Variants in CPVL observed in about 807,000 individuals in gnomAD.
The protein encoded by CPVL is probable serine carboxypeptidase CPVL.
A neutral mutation model predicts 63.7 loss-of-function variants in CPVL; 51 were observed. The ratio of observed to expected loss-of-function variants is 0.80; its 90% CI spans 0.64 to 1.01. The LOEUF (loss-of-function observed/expected upper bound fraction) is 1.01, where lower values mean the gene tolerates loss of function less well. Among genes scored for constraint, CPVL ranks in the 50% least tolerant of loss-of-function variants. The probability of loss-of-function intolerance (pLI) is 0.00; values close to 1 mark genes in which losing one functional copy is unlikely to be tolerated. For missense variants in CPVL, 530 were observed against 573.1 expected, an observed-to-expected ratio of 0.92 and a Z score of 0.77; for synonymous variants, 195 against 206.0, an observed-to-expected ratio of 0.95 and a Z score of 0.46.
At chr7:29,137,551 G>A (rs569818451) in intron 1 of CPVL, among the ~76,000 whole-genome samples, 1 of 152,296 alleles carries the variant, frequency 6.6e-6, no homozygotes, top group South Asian at 2.1e-4. Flanking sequence ...CCTAGCCCAG[G>A]TAGCCTTTTC....
chr7:28,995,489 G>T lies in CPVL; in HGVS notation c.*283C>A. 6.8e-6 allele frequency: 2 copies of T among 292,440 alleles called. No homozygotes were observed. The highest frequency in any genetic ancestry group is 1.2e-5 in the Non-Finnish European group (2 of 160,834). 18.1% of individuals were successfully genotyped at this position (292,440 alleles called of 1,614,324 possible). ...GAAGAAATTAAAACTTCCTATTCAA[G>T]ACCCTAAAATTTCATTTATACATCT... On this transcript the variant is annotated 3_prime_UTR_variant, in exon 13 of 13. Transcript: ENST00000265394.
chr7:29,116,492 G>A (rs938740082), intron 2 of CPVL, among the ~76,000 whole-genome samples: 1 of 152,164 alleles, frequency 6.6e-6, no homozygotes, highest in Non-Finnish European at 1.5e-5. Flanking sequence ...GGTTTTCTTT[G>A]AAGTGATTTT....
intron 4 of CPVL, among the ~76,000 whole-genome samples, chr7:29,181,863 G>C (rs775740070): frequency 7.2e-5 from 11 of 151,972 alleles, no homozygotes; most frequent in African/African-American, 2.7e-4. Context: ...ATTCCTAAGG[G>C]GGGGAAAAGT....
At chr7:29,083,105 A>T (rs1318756754) in intron 7 of CPVL, among the ~76,000 whole-genome samples, 1 of 152,260 alleles carries the variant, frequency 6.6e-6, no homozygotes, top group Non-Finnish European at 1.5e-5. Flanking sequence ...CCTAAAGTGT[A>T]GTATGCTAAT....
intron 1 of CPVL, among the ~76,000 whole-genome samples, chr7:29,191,332 G>A (rs138904283): frequency 2.6e-4 from 40 of 152,324 alleles, no homozygotes; most frequent in Non-Finnish European, 4.6e-4. Flanking sequence ...AGATGGACTA[G>A]AGAAATCCAA....
intron 12 of CPVL, chr7:29,001,389 G>C (rs546944466): frequency 6.6e-6 from 1 of 152,170 alleles, no homozygotes; most frequent in East Asian, 1.9e-4. Flanking sequence ...TTACATGTAA[G>C]TTCTTTTCAC....
intron 12 of CPVL, among the ~76,000 whole-genome samples, chr7:29,002,287 G>T (rs150642495): frequency 6.6e-6 from 1 of 152,126 alleles, no homozygotes; most frequent in Non-Finnish European, 1.5e-5. Flanking sequence ...CATCAGATCC[G>T]TGAAAGACAA....
intron 3 of CPVL, among the ~76,000 whole-genome samples, chr7:29,104,746 T>C (rs1411563274): frequency 6.6e-6 from 1 of 152,204 alleles, no homozygotes; most frequent in Non-Finnish European, 1.5e-5. Flanking sequence ...TCTTTGTGCC[T>C]CCTGCCAGAA....
At chr7:29,155,091 GC>G (rs1355951160) in intron 5 of CPVL, among the ~76,000 whole-genome samples, 12 of 152,026 alleles carry the variant, frequency 7.9e-5, no homozygotes, top group African/African-American at 2.9e-4. Flanking sequence ...CACAGGACCT[GC>G]CCCCATGATT....
intron 5 of CPVL, among the ~76,000 whole-genome samples, chr7:29,172,473 A>G (rs1255130052): frequency 6.6e-6 from 1 of 152,226 alleles, no homozygotes; most frequent in Non-Finnish European, 1.5e-5. Context: ...ATCCAAAAAA[A>G]ATTATTAAAA....
At chr7:29,008,010 G>A (rs531191836) in intron 12 of CPVL, among the ~76,000 whole-genome samples, 3 of 152,290 alleles carry the variant, frequency 2.0e-5, no homozygotes, top group Admixed American at 6.5e-5. Context: ...GGAGATGTAC[G>A]TAGATGGAGA....
At chr7:29,062,457 C>G (rs1183163937) in intron 11 of CPVL, among the ~76,000 whole-genome samples, 2 of 152,172 alleles carry the variant, frequency 1.3e-5, no homozygotes, top group African/African-American at 4.8e-5. Flanking sequence ...TCTTTCTTTC[C>G]AAGAAAGTAA....
At chr7:29,029,558 GA>G (rs1227481104) in intron 12 of CPVL, among the ~76,000 whole-genome samples, 2 of 152,184 alleles carry the variant, frequency 1.3e-5, no homozygotes, top group African/African-American at 2.4e-5. Flanking sequence ...GGCAAAGAAA[GA>G]CAAATATCGT....
chr7:29,084,188 C>A (rs1048298131), intron 7 of CPVL, among the ~76,000 whole-genome samples: 9 of 152,178 alleles, frequency 5.9e-5, no homozygotes, highest in African/African-American at 1.7e-4. Flanking sequence ...AGAATAAAGT[C>A]CAAACTCTGC....
intron 1 of CPVL, chr7:29,122,695 G>GAACTCAGGACTTGACTCCACTC (rs150458546): frequency 1.3e-5 from 2 of 151,968 alleles, no homozygotes; most frequent in Admixed American, 1.3e-4. Context: ...TGAAAGTAGA[G>GAACTCAGGACTTGACTCCACTC]AAGGCCAGGA....
intron 5 of CPVL, among the ~76,000 whole-genome samples, chr7:29,179,478 T>C (rs17150621): frequency 0.13 from 19,663 of 152,158 alleles, 1,557 homozygotes; most frequent in African/African-American, 0.21. Context: ...TGCTAGAAAA[T>C]CCAGGAACCC....
chr7:29,026,707 T>C (rs1787529999), intron 12 of CPVL, among the ~76,000 whole-genome samples: 1 of 152,128 alleles, frequency 6.6e-6, no homozygotes, highest in Admixed American at 6.6e-5. Flanking sequence ...GAGACTATTA[T>C]GGACAACTTT....
chr7:29,135,112 A>G (rs1248113612), intron 1 of CPVL, among the ~76,000 whole-genome samples: 1 of 151,782 alleles, frequency 6.6e-6, no homozygotes, highest in Non-Finnish European at 1.5e-5. Flanking sequence ...TCAAAAAAAA[A>G]AAAAAAAAAA....
intron 6 of CPVL, among the ~76,000 whole-genome samples, 181 bp downstream of exon 6, chr7:29,092,442 A>C (rs943315493): frequency 2.6e-5 from 4 of 152,204 alleles, no homozygotes; most frequent in African/African-American, 7.2e-5. Context: ...AGGTTTAAAA[A>C]ATAATCTTTA....
Sources: gnomAD v4.1 joint callset for allele counts (sites outside exome capture counted in the v4.1 genomes callset) on GRCh38, gnomAD v4.1.1 for gene constraint, MANE v1.5 for transcripts, NCBI Gene and HGNC (gene_info 2026-07-23, HGNC 2026-07-21) for gene names.